Variants in SLC28A1 observed in about 807,000 individuals in gnomAD.
The protein encoded by SLC28A1 is solute carrier family 28 member 1.
In SLC28A1, 64 loss-of-function variants were observed where a neutral mutation model predicts 74.8. That is an observed-to-expected ratio of 0.86 (90% CI 0.70 to 1.05). SLC28A1 has a LOEUF of 1.05. Among genes scored for constraint, SLC28A1 ranks in the 50% least tolerant of loss-of-function variants. The pLI, the probability that SLC28A1 is intolerant of heterozygous loss-of-function variation, is 0.00. For synonymous variants in SLC28A1, 359 were observed against 335.0 expected, an observed-to-expected ratio of 1.07 and a Z score of -0.78; for missense variants, 828 against 822.8, an observed-to-expected ratio of 1.01 and a Z score of -0.08.
At position 84,945,277 on chromosome 15, in the gene SLC28A1, C is replaced by G; in HGVS notation, c.*77C>G. ...AACCATCTGTCCCCACCTTCCCTTT[C>G]CCAGAGCCCTCTTCAGGGAAGCCAC... On this transcript the variant is annotated 3_prime_UTR_variant, in exon 19 of 19. Transcript: ENST00000394573. The G allele has an allele frequency of 7.3e-7, 1 of 1,378,250 alleles. No homozygotes were observed. The highest frequency in any genetic ancestry group is 1.0e-6 in the Non-Finnish European group (1 of 969,240). 85.4% of individuals were successfully genotyped at this position (1,378,250 alleles called of 1,614,324 possible). A position where few individuals can be genotyped will look rare whatever the true frequency, so the allele number is the denominator to read the frequency against.
At position 84,945,588 on chromosome 15, in the gene SLC28A1, A is replaced by G. The variant is rs1410327682; in HGVS notation, c.*388A>G. The stretch of plus-strand genomic sequence containing the variant: ...CACACCAAAGCCTCCTCCCCTCCCC[A>G]CTTCCTAGGCACTAGGATCTCTCTG... On this transcript the variant is annotated 3_prime_UTR_variant, in exon 19 of 19. Coordinates refer to ENST00000394573, the MANE Select transcript of SLC28A1 (RefSeq NM_004213.5). The G allele has an allele frequency of 1.0e-5, 3 of 297,780 alleles. No individual in the cohort carries two copies. Among genetic ancestry groups the G allele is most frequent in the Non-Finnish European group, 2.0e-5 (3 of 152,710 alleles). The allele number at this position is 297,780 out of a possible 1,614,324, so 18.4% of individuals were successfully genotyped here. A position where few individuals can be genotyped will look rare whatever the true frequency, so the allele number is the denominator to read the frequency against.
chr15:84,931,261 T>G (rs1203140563), intron 12 of SLC28A1, among the ~76,000 whole-genome samples: 2 of 152,134 alleles, frequency 1.3e-5, no homozygotes, highest in African/African-American at 4.8e-5. Context: ...CCCTCCTCCT[T>G]TTTATTTTTA....
chr15:84,923,902 C>T (rs1970166576), intron 11 of SLC28A1, 83 bp from the exon 12 acceptor site: 1 of 1,593,192 alleles, frequency 6.3e-7, no homozygotes, highest in Non-Finnish European at 8.6e-7. Flanking sequence ...GTGGGACTCC[C>T]AGCTGCTCAC....
intron 16 of SLC28A1, 56 bp downstream of exon 16, chr15:84,943,582 T>C: frequency 4.4e-6 from 6 of 1,349,862 alleles, no homozygotes; most frequent in Non-Finnish European, 6.4e-6. Context: ...TTGAACTTGC[T>C]CGGGACATGT....
intron 10 of SLC28A1, among the ~76,000 whole-genome samples, chr15:84,919,679 T>C (rs1050295886): frequency 2.6e-5 from 4 of 152,164 alleles, no homozygotes; most frequent in Non-Finnish European, 5.9e-5. Flanking sequence ...ATAACCAAAC[T>C]ACTCCTGCAA....
chr15:84,950,594 A>G (rs1469842819), downstream of SLC28A1, among the ~76,000 whole-genome samples: 1 of 152,082 alleles, frequency 6.6e-6, no homozygotes, highest in Non-Finnish European at 1.5e-5. Flanking sequence ...GCAGTCCTAG[A>G]TACTCACGAG....
intron 6 of SLC28A1, among the ~76,000 whole-genome samples, chr15:84,902,205 T>C (rs1966750543): frequency 6.6e-6 from 1 of 152,052 alleles, no homozygotes; most frequent in Non-Finnish European, 1.5e-5. Flanking sequence ...GTAGGCAGGG[T>C]GCGGTGGCTC....
chr15:84,951,186 C>T, the SLC28A1 span, among the ~76,000 whole-genome samples: 2 of 152,110 alleles, frequency 1.3e-5, no homozygotes, highest in South Asian at 2.1e-4. Flanking sequence ...CGTGGCTCGC[C>T]TCTGTAGTCC....
intron 3 of SLC28A1, 93 bp downstream of exon 3, chr15:84,887,949 C>G (rs1355455054): frequency 2.3e-6 from 2 of 867,238 alleles, no homozygotes; most frequent in African/African-American, 3.3e-5. Context: ...TCACCACCTT[C>G]CCTCATACCC....
chr15:84,907,471 C>G (rs12911975), intron 8 of SLC28A1, among the ~76,000 whole-genome samples: 15,230 of 152,142 alleles, frequency 0.1, 1,001 homozygotes, highest in Admixed American at 0.13. Context: ...AGGCATAAGC[C>G]ACCATGCTGG....
At chr15:84,891,318 T>G (rs1345761088) in intron 5 of SLC28A1, among the ~76,000 whole-genome samples, 2 of 152,096 alleles carry the variant, frequency 1.3e-5, no homozygotes, top group Non-Finnish European at 2.9e-5. Flanking sequence ...AATGACTGGG[T>G]GTGCAGCATG....
chr15:84,952,508 C>T, the SLC28A1 span, among the ~76,000 whole-genome samples: 4 of 152,220 alleles, frequency 2.6e-5, no homozygotes, highest in Non-Finnish European at 5.9e-5. Context: ...GATGCCACCA[C>T]GCAGGTTACT....
downstream of SLC28A1, among the ~76,000 whole-genome samples, chr15:84,946,099 TA>T (rs1446398205): frequency 3.2e-4 from 7 of 21,558 alleles, no homozygotes; most frequent in African/African-American, 9.5e-4. Context: ...TATATATATA[TA>T]TATATATATA....
At chr15:84,974,636 C>T in the SLC28A1 span, among the ~76,000 whole-genome samples, 1 of 152,104 alleles carries the variant, frequency 6.6e-6, no homozygotes, top group Non-Finnish European at 1.5e-5. Context: ...CAGCAGGGCT[C>T]AGGTTTTGCT....
chr15:84,893,807 G>GACT (rs1214162578), intron 5 of SLC28A1, among the ~76,000 whole-genome samples: 1 of 152,174 alleles, frequency 6.6e-6, no homozygotes, highest in African/African-American at 2.4e-5. Context: ...GCACCACACG[G>GACT]GCATTCCTCT....
At chr15:84,962,857 A>G in the SLC28A1 span, among the ~76,000 whole-genome samples, 1 of 152,212 alleles carries the variant, frequency 6.6e-6, no homozygotes. Flanking sequence ...GCCTTAGAGG[A>G]CATGGCTGCC....
rs1255206931 is a variant in SLC28A1, at chr15:84,904,238, A to G, written c.603A>G (p.Ala201=). ...LLFACSKHHC[A]VSWRAVSWGL... is the part of the protein sequence containing the mutation. Reference sequence around the variant, plus strand: ...TTGCCTGCTCAAAGCATCATTGCGCAGTGAGTGCTAGTTGTGGGGCCCAGG... The same window carrying G: ...TTGCCTGCTCAAAGCATCATTGCGCGGTGAGTGCTAGTTGTGGGGCCCAGG... The change falls in exon 7 of 19, where the codon GCA becomes GCG. Residue 201 remains alanine, a splice_region_variant and synonymous_variant. Transcript: ENST00000394573. The G allele has an allele frequency of 3.1e-6, 5 of 1,613,672 alleles. No homozygotes were observed. Among genetic ancestry groups the G allele is most frequent in the African/African-American group, 1.3e-5 (1 of 74,914 alleles).
chr15:84,946,108 ATATATTTTTTTTTT>A (rs2079214025), downstream of SLC28A1, among the ~76,000 whole-genome samples: 1 of 11,126 alleles, frequency 9.0e-5, no homozygotes, highest in African/African-American at 2.7e-4. Flanking sequence ...ATATATATAT[ATATATTTTTTTTTT>A]TTTTTTTTTT....
Position 84,932,993 on chromosome 15 carries a change from ATT to A in SLC28A1, c.1084-151_1084-150del. 170 of 244,318 alleles carry A rather than the reference ATT, an allele frequency of 7.0e-4. 34 individuals carry two copies. In the East Asian group the frequency reaches 0.048, roughly 68 times the overall value. 15.1% of individuals were successfully genotyped at this position (244,318 alleles called of 1,614,324 possible). A position where few individuals can be genotyped will look rare whatever the true frequency, so the allele number is the denominator to read the frequency against. On this transcript the variant is annotated intron_variant, in intron 12 of 18. Coordinates refer to ENST00000394573, the MANE Select transcript of SLC28A1 (RefSeq NM_004213.5). ...CTGTGACCTTCTACACATAAAAGGT[ATT>A]ATTATTATTAGTGATGACAGCAGTT... is the stretch of plus-strand genomic sequence containing the variant.
Sources: allele counts gnomAD v4.1 joint callset (sites outside exome capture counted in the v4.1 genomes callset), GRCh38; gene constraint gnomAD v4.1.1; transcripts MANE v1.5; gene names NCBI Gene and HGNC (gene_info 2026-07-23, HGNC 2026-07-21).